NOS1AP: variants seen among roughly 807,000 people sequenced by gnomAD.
NOS1AP encodes nitric oxide synthase 1 adaptor protein, also known as carboxyl-terminal PDZ ligand of neuronal nitric oxide synthase protein.
In NOS1AP, 21 loss-of-function variants were observed where a neutral mutation model predicts 56.2. That is an observed-to-expected ratio of 0.37 (90% CI 0.26 to 0.54). The LOEUF is 0.54. Among genes scored for constraint, NOS1AP ranks in the 20% least tolerant of loss-of-function variants. The probability of loss-of-function intolerance (pLI) is 0.84; values close to 1 mark genes in which losing one functional copy is unlikely to be tolerated. For missense variants in NOS1AP, 522 were observed against 657.8 expected (o/e 0.79, Z 2.26); for synonymous variants, 270 against 274.6 (o/e 0.98, Z 0.17).
chr1:162,286,004 C>G (rs918088857), intron 2 of NOS1AP, among the ~76,000 whole-genome samples: 1 of 152,034 alleles, frequency 6.6e-6, no homozygotes, highest in Non-Finnish European at 1.5e-5. Context: ...AAACAGATAG[C>G]CAAGAAGTAT....
intron 2 of NOS1AP, among the ~76,000 whole-genome samples, chr1:162,181,824 T>G (rs1312986372): frequency 1.3e-5 from 2 of 152,340 alleles, no homozygotes; most frequent in Admixed American, 6.5e-5. Flanking sequence ...AGTACTCTCC[T>G]TGTATCAGAC....
intron 2 of NOS1AP, among the ~76,000 whole-genome samples, chr1:162,215,035 C>T (rs1652515486): frequency 6.6e-6 from 1 of 152,236 alleles, no homozygotes; most frequent in African/African-American, 2.4e-5. Context: ...TGGCTTCACC[C>T]CAACCCACCG....
intron 8 of NOS1AP, among the ~76,000 whole-genome samples, chr1:162,357,860 T>C (rs564859769): frequency 2.0e-5 from 3 of 151,224 alleles, no homozygotes; most frequent in Admixed American, 2.0e-4. Context: ...GTTTGCTTTC[T>C]ATAGAGGGCG....
intron 1 of NOS1AP, 110 bp from the exon 2 acceptor site, chr1:162,154,295 C>G (rs945631580): frequency 7.1e-5 from 64 of 900,300 alleles, no homozygotes; most frequent in Non-Finnish European, 1.1e-4. Flanking sequence ...CTCTTAATTT[C>G]TTCATCTGTA....
chr1:162,093,539 G>T (rs1692177343), intron 1 of NOS1AP, among the ~76,000 whole-genome samples: 1 of 152,156 alleles, frequency 6.6e-6, no homozygotes, highest in Non-Finnish European at 1.5e-5. Context: ...TAGTGGAAGA[G>T]ATACTATGGC....
chr1:162,309,509 T>C (rs2101764667), intron 4 of NOS1AP, among the ~76,000 whole-genome samples: 1 of 152,318 alleles, frequency 6.6e-6, no homozygotes, highest in African/African-American at 2.4e-5. Flanking sequence ...ACTCCTTAAA[T>C]ACCTTTTTAT....
At position 162,321,732 on chromosome 1, in the gene NOS1AP, ATAT is replaced by A. The variant is rs1413152595; in HGVS notation, c.345-11284_345-11282del. On this transcript the variant is annotated intron_variant, in intron 4 of 9. Transcript: ENST00000361897. ...TTAAAGTATAATTAAAAAAAAAAAA[ATAT>A]ATATATATATATATATAAAAGCAAC... Among the ~76,000 whole-genome samples the A allele has an allele frequency of 9.1e-4, 99 of 109,250 alleles. 1 individual carries two copies. In the South Asian group the frequency reaches 0.013, roughly 14 times the overall value. The allele number at this position is 109,250 out of a possible 152,430, so 71.7% of individuals were successfully genotyped here. A position where few individuals can be genotyped will look rare whatever the true frequency, so the allele number is the denominator to read the frequency against.
intron 2 of NOS1AP, among the ~76,000 whole-genome samples, chr1:162,238,467 T>A (rs1377598866): frequency 6.6e-6 from 1 of 152,200 alleles, no homozygotes; most frequent in Non-Finnish European, 1.5e-5. Flanking sequence ...TACCGGCAAC[T>A]GCTGCTACGT....
intron 6 of NOS1AP, 39 bp downstream of exon 6, chr1:162,344,015 A>G (rs1313171723): frequency 6.8e-6 from 11 of 1,611,190 alleles, no homozygotes; most frequent in Non-Finnish European, 9.3e-6. Context: ...GTGGGAAGGC[A>G]GTGCACACAG....
chr1:162,326,047 G>A (rs949069849), intron 4 of NOS1AP, among the ~76,000 whole-genome samples: 2 of 152,140 alleles, frequency 1.3e-5, no homozygotes, highest in Non-Finnish European at 2.9e-5. Flanking sequence ...ATCTGTTGTC[G>A]CATCTGAACC....
At chr1:162,259,702 A>C (rs1654149129) in intron 2 of NOS1AP, among the ~76,000 whole-genome samples, 1 of 152,248 alleles carries the variant, frequency 6.6e-6, no homozygotes, top group Non-Finnish European at 1.5e-5. Context: ...AGAGTATGAA[A>C]TGTTTTTAAA....
intron 2 of NOS1AP, among the ~76,000 whole-genome samples, chr1:162,246,825 G>T (rs1259121315): frequency 1.3e-5 from 2 of 152,092 alleles, no homozygotes; most frequent in Admixed American, 1.3e-4. Context: ...ACAGGAATGG[G>T]TATGGCCAGT....
At chr1:162,116,901 G>C (rs12733821) in intron 1 of NOS1AP, among the ~76,000 whole-genome samples, 82,672 of 152,032 alleles carry the variant, frequency 0.54, 23,687 homozygotes, top group Non-Finnish European at 0.64. Context: ...CTTTGATGTT[G>C]CTACATAGAT....
chr1:162,171,863 C>T (rs950626311), intron 2 of NOS1AP, among the ~76,000 whole-genome samples: 2 of 152,146 alleles, frequency 1.3e-5, no homozygotes, highest in African/African-American at 2.4e-5. Context: ...CATGGAATCT[C>T]CCTGTGCAAT....
intron 2 of NOS1AP, among the ~76,000 whole-genome samples, chr1:162,168,698 T>TCCTTCCCTTCCTCTTTC (rs1650622627): frequency 6.6e-6 from 1 of 152,132 alleles, no homozygotes; most frequent in Non-Finnish European, 1.5e-5. Flanking sequence ...TCTCTTTCTT[T>TCCTTCCCTTCCTCTTTC]CTTCCTCCTT....
At chr1:162,276,070 C>A (rs1032057872) in intron 2 of NOS1AP, among the ~76,000 whole-genome samples, 1 of 152,142 alleles carries the variant, frequency 6.6e-6, no homozygotes, top group Non-Finnish European at 1.5e-5. Context: ...ATAGTTGCAA[C>A]AAAGATCACA....
chr1:162,202,688 A>C (rs1215117466), intron 2 of NOS1AP, among the ~76,000 whole-genome samples: 1 of 152,188 alleles, frequency 6.6e-6, no homozygotes, highest in African/African-American at 2.4e-5. Context: ...GTCAGGTTAA[A>C]GTATATGAAC....
chr1:162,271,159 T>G (rs1162893349), intron 2 of NOS1AP, among the ~76,000 whole-genome samples: 1 of 152,046 alleles, frequency 6.6e-6, no homozygotes, highest in Non-Finnish European at 1.5e-5. Flanking sequence ...GTGCAGTTTT[T>G]GTTCTTCTTC....
chr1:162,278,552 A>T (rs1654817307), intron 2 of NOS1AP, among the ~76,000 whole-genome samples: 1 of 152,150 alleles, frequency 6.6e-6, no homozygotes, highest in Non-Finnish European at 1.5e-5. Flanking sequence ...TGAGCCCTAG[A>T]AAGACAAAAG....
Sources: gnomAD v4.1 joint callset for allele counts (sites outside exome capture counted in the v4.1 genomes callset) on GRCh38, gnomAD v4.1.1 for gene constraint, MANE v1.5 for transcripts, NCBI Gene and HGNC (gene_info 2026-07-23, HGNC 2026-07-21) for gene names.